Variants in UNKL observed in about 807,000 individuals in gnomAD.
UNKL encodes putative E3 ubiquitin-protein ligase UNKL.
Under a neutral mutation model 78.0 loss-of-function variants are expected in UNKL, and 60 were observed. That is an observed-to-expected ratio of 0.77 (90% CI 0.63 to 0.95). The LOEUF (loss-of-function observed/expected upper bound fraction) is 0.95. Ranked by LOEUF, UNKL falls within the 40% of genes least tolerant of loss-of-function variation. The probability of loss-of-function intolerance (pLI) is 0.00; values close to 1 mark genes in which losing one functional copy is unlikely to be tolerated. For synonymous variants in UNKL, 608 were observed against 474.8 expected, an observed-to-expected ratio of 1.28 and a Z score of -3.65; for missense variants, 1,159 against 1,045.7, an observed-to-expected ratio of 1.11 and a Z score of -1.49.
chr16:1,395,362 C>T (rs1403066157), intron 6 of UNKL, among the ~76,000 whole-genome samples: 1 of 152,014 alleles, frequency 6.6e-6, no homozygotes, highest in Admixed American at 6.6e-5. Flanking sequence ...GAGACGGGTT[C>T]ACCATGTTGG....
Position 1,367,859 on chromosome 16 carries a change from C to A in UNKL, c.1586-1G>T. 6.4e-7 allele frequency: 1 copy of A among 1,561,784 alleles called. No individual in the cohort carries two copies. Among genetic ancestry groups the A allele is most frequent in the South Asian group, 1.2e-5 (1 of 84,576 alleles). On this transcript the variant is annotated splice_acceptor_variant, in intron 12 of 14. Transcript: ENST00000389221. LOFTEE classifies it high-confidence loss of function. ...ATGCTCCCGGGGACACCGTTCAAAC[C>A]TGAGTGTGAAACGGTCGATGACGGC...
intron 10 of UNKL, among the ~76,000 whole-genome samples, chr16:1,372,048 A>T (rs868769044): frequency 6.6e-6 from 1 of 151,920 alleles, no homozygotes; most frequent in Non-Finnish European, 1.5e-5. Context: ...CAAGGTCAGG[A>T]GATCGAGACC....
At chr16:1,380,232 C>T (rs1052120591) in intron 10 of UNKL, among the ~76,000 whole-genome samples, 2 of 152,248 alleles carry the variant, frequency 1.3e-5, no homozygotes, top group African/African-American at 4.8e-5. Context: ...TTCTTCTATT[C>T]CGTGCTCCAG....
intron 10 of UNKL, chr16:1,379,299 C>G (rs1310802125): frequency 4.7e-6 from 1 of 213,200 alleles, no homozygotes; most frequent in African/African-American, 2.4e-5. Context: ...CGTTCCCCTG[C>G]CCTCTCCTGC....
At chr16:1,367,979 G>T in intron 12 of UNKL, 121 bp from the exon 13 acceptor site, 1 of 882,304 alleles carries the variant, frequency 1.1e-6, no homozygotes, top group Non-Finnish European at 1.7e-6. Context: ...CACCTGCCCT[G>T]GCAGCAGGGG....
chr16:1,383,775 G>T (rs776185881), intron 10 of UNKL: 1 of 434,988 alleles, frequency 2.3e-6, no homozygotes, highest in Non-Finnish European at 4.7e-6. Flanking sequence ...TGGTGCTGGG[G>T]TCCCACTCCA....
rs755269053 is a variant in UNKL at position 1,399,466 on chromosome 16, C to T, written c.642G>A (p.Pro214=). Reference sequence around the variant, plus strand: ...CCTGGCGGCACAGGCGTGGCGGCTTCGGGCACTGCTCCGTCTTGTAGCTGC... The same window carrying T: ...CCTGGCGGCACAGGCGTGGCGGCTTTGGGCACTGCTCCGTCTTGTAGCTGC... ...VLGSYKTEQC[P]KPPRLCRQGY... The change falls in exon 5 of 15, where the codon CCG becomes CCA. Residue 214 remains proline (P), a synonymous_variant. Transcript: ENST00000389221. The surrounding 1 kb of genome is among the most constrained non-coding windows in gnomAD (Gnocchi z 5.8). The T allele has an allele frequency of 1.3e-5, 21 of 1,602,010 alleles. No homozygotes were observed. The highest frequency in any genetic ancestry group is 5.4e-5 in the African/African-American group (4 of 74,742).
chr16:1,376,845 G>T (rs117986265), intron 10 of UNKL, among the ~76,000 whole-genome samples: 356 of 152,186 alleles, frequency 2.3e-3, no homozygotes, highest in Non-Finnish European at 4.3e-3. Context: ...TTTCAGCACC[G>T]CACAGTAATA....
intron 4 of UNKL, among the ~76,000 whole-genome samples, chr16:1,400,627 C>T (rs908408745): frequency 9.2e-5 from 14 of 152,074 alleles, no homozygotes; most frequent in African/African-American, 3.4e-4. Context: ...CACAACACTG[C>T]AGACGTGCTA....
At chr16:1,406,934 TA>T (rs34704804) in intron 2 of UNKL, among the ~76,000 whole-genome samples, 139,653 of 152,044 alleles carry the variant, frequency 0.92, 64,241 homozygotes, top group East Asian at 1. Flanking sequence ...GGTCAGGAGT[TA>T]AGAGATCAGC....
At position 1,366,286 on chromosome 16, in the gene UNKL, G is replaced by A. The variant is rs1385370001; in HGVS notation, c.2156C>T (p.Thr719Ile). 4.4e-6 allele frequency: 7 copies of A among 1,595,862 alleles called. No homozygotes were observed. In the Admixed American group the frequency reaches 5.2e-5, roughly 12 times the overall value. Residue 719 changes from threonine (T) to isoleucine (I), a missense_variant, in exon 15 of 15, where the codon ACC becomes ATC. Coordinates refer to ENST00000389221, the MANE Select transcript of UNKL (RefSeq NM_001372107.1). The part of the protein sequence containing the change: ...HHILCEPCAA[T>I]APECPYCKGQ... The stretch of plus-strand genomic sequence containing the variant: ...CTTGCAGTAGGGGCACTCAGGTGCG[G>A]TGGCCGCACACGGCTCACAGAGGAT...
intron 6 of UNKL, among the ~76,000 whole-genome samples, chr16:1,396,311 G>A (rs891703033): frequency 6.7e-6 from 1 of 150,060 alleles, no homozygotes; most frequent in African/African-American, 2.5e-5. Flanking sequence ...CTGGAGTGCA[G>A]TGGCGTGATC....
In UNKL at chr16:1,365,665, C is replaced by T. The variant is rs1299285951; in HGVS notation, c.*575G>A. 6.6e-6 allele frequency: 1 copy of T among 152,550 alleles called. No homozygotes were observed. Among genetic ancestry groups the T allele is most frequent in the Admixed American group, 6.5e-5 (1 of 15,270 alleles). 9.4% of individuals were successfully genotyped at this position (152,550 alleles called of 1,614,324 possible). On this transcript the variant is annotated 3_prime_UTR_variant, in exon 15 of 15. Transcript: ENST00000389221. ...CCTAGGTCTTACTACTAGATAAACACTCATTTCATAAGTACTAGTTTCAGA... is the reference window on the plus strand; with the variant it reads ...CCTAGGTCTTACTACTAGATAAACATTCATTTCATAAGTACTAGTTTCAGA...
At chr16:1,376,279 G>A (rs2036217505) in intron 10 of UNKL, among the ~76,000 whole-genome samples, 1 of 134,494 alleles carries the variant, frequency 7.4e-6, no homozygotes, top group South Asian at 2.4e-4. Flanking sequence ...CAGGGCTGGG[G>A]CACGCTCCTC....
rs1046381717 is a variant in UNKL at position 1,392,947 on chromosome 16, A to T, written c.967T>A (p.Cys323Ser). The T allele has an allele frequency of 1.0e-5, 16 of 1,550,452 alleles. No homozygotes were observed. The highest frequency in any genetic ancestry group is 5.9e-5 in the Admixed American group (3 of 50,984). The change falls in exon 8 of 15, where the codon TGT (cysteine) becomes AGT (serine). Residue 323 changes from cysteine (C) to serine (S), a missense_variant. Coordinates refer to ENST00000389221, the MANE Select transcript of UNKL (RefSeq NM_001372107.1). ...KSLGMVNEWG[C>S]HDLHLTSPSS... Reference sequence around the variant, plus strand: ...GGACTCGTGAGGTGGAGGTCGTGACAGCCCCATTCATTCACCATCCCCAGG... The same window carrying T: ...GGACTCGTGAGGTGGAGGTCGTGACTGCCCCATTCATTCACCATCCCCAGG...
At position 1,371,422 on chromosome 16, in the gene UNKL, C is replaced by T. The variant is rs560458797; in HGVS notation, c.1357+97G>A. On this transcript the variant is annotated intron_variant, in intron 11 of 14. Coordinates refer to ENST00000389221, the MANE Select transcript of UNKL (RefSeq NM_001372107.1). ...GCAGTGGTGCAACCTCAGCTCACTG[C>T]AGCCTTGACCTCCCCGGGCTCAAGC... 9.0e-6 allele frequency: 11 copies of T among 1,225,318 alleles called. No homozygotes were observed. In the South Asian group the frequency reaches 1.5e-4, roughly 17 times the overall value. The allele number at this position is 1,225,318 out of a possible 1,614,324, so 75.9% of individuals were successfully genotyped here. A position where few individuals can be genotyped will look rare whatever the true frequency, so the allele number is the denominator to read the frequency against.
intron 2 of UNKL, 39 bp downstream of exon 2, chr16:1,413,807 C>A (rs755345806): frequency 6.7e-7 from 1 of 1,492,372 alleles, no homozygotes; most frequent in South Asian, 1.3e-5. Context: ...AGGCCCCCCA[C>A]CTCCGCCCAG....
In UNKL at chr16:1,363,330, A is replaced by G. The variant is rs2034982899; in HGVS notation, c.*2910T>C. 1.9e-6 allele frequency: 1 copy of G among 523,786 alleles called. No homozygotes were observed. The highest frequency in any genetic ancestry group is 3.4e-6 in the Non-Finnish European group (1 of 289,934). The allele number at this position is 523,786 out of a possible 1,614,324, so 32.4% of individuals were successfully genotyped here. A position where few individuals can be genotyped will look rare whatever the true frequency, so the allele number is the denominator to read the frequency against. On this transcript the variant is annotated 3_prime_UTR_variant, in exon 15 of 15. Coordinates refer to ENST00000389221, the MANE Select transcript of UNKL (RefSeq NM_001372107.1). ...GTGTTAACTTTAAACAGTTCGCTAC[A>G]AGTAAATGATTATAAATACTACCTT...
Position 1,371,614 on chromosome 16 carries a change from G to A in UNKL, c.1265-3C>T, listed in dbSNP as rs1447004570. On this transcript the variant is annotated splice_region_variant and splice_polypyrimidine_tract_variant and intron_variant, in intron 10 of 14. Transcript: ENST00000389221. Reference sequence around the variant, plus strand: ...AAGATGCAGGTCTAACGCAGAACCTGTCAACAGAGCCCCCCATCATCCACA... The same window carrying A: ...AAGATGCAGGTCTAACGCAGAACCTATCAACAGAGCCCCCCATCATCCACA... 3 of 1,536,062 alleles carry A rather than the reference G, an allele frequency of 2.0e-6. No individual in the cohort carries two copies. Among genetic ancestry groups the A allele is most frequent in the South Asian group, 1.2e-5 (1 of 84,060 alleles).
Sources: allele counts gnomAD v4.1 joint callset (sites outside exome capture counted in the v4.1 genomes callset), GRCh38; gene constraint gnomAD v4.1.1; non-coding constraint Gnocchi (gnomAD v3.1); transcripts MANE v1.5; gene names NCBI Gene and HGNC (gene_info 2026-07-23, HGNC 2026-07-21).